FGF13: variants seen among roughly 807,000 people sequenced by gnomAD.
FGF13 encodes fibroblast growth factor 13, also known as fibroblast growth factor homologous factor 2.
Under a neutral mutation model 19.5 loss-of-function variants are expected in FGF13, and 2 were observed. The ratio of observed to expected loss-of-function variants is 0.10; its 90% confidence interval spans 0.04 to 0.32. The LOEUF (loss-of-function observed/expected upper bound fraction) is 0.32, where lower values mean the gene tolerates loss of function less well. Ranked by LOEUF, FGF13 falls within the 10% of genes least tolerant of loss-of-function variation. The pLI is 1.00. For synonymous variants in FGF13, 72 were observed against 76.9 expected (o/e 0.94, Z 0.33); for missense variants, 113 against 192.7 (o/e 0.59, Z 2.45).
intron 3 of FGF13, among the ~76,000 whole-genome samples, chrX:138,749,649 C>G (rs1376248772): frequency 9.0e-6 from 1 of 111,243 alleles, no homozygotes; most frequent in Non-Finnish European, 1.9e-5. Context: ...CAGTCTAGCA[C>G]AGTTTAGAAA....
intron 3 of FGF13, among the ~76,000 whole-genome samples, chrX:138,787,103 T>C (rs2090699585): frequency 8.9e-6 from 1 of 112,312 alleles, no homozygotes; most frequent in Non-Finnish European, 1.9e-5. Context: ...AAGTGGAGGG[T>C]TTTGTTTGAC....
intron 3 of FGF13, among the ~76,000 whole-genome samples, chrX:138,661,437 C>A (rs930040943): frequency 9.0e-6 from 1 of 111,708 alleles, no homozygotes; most frequent in Non-Finnish European, 1.9e-5. Context: ...GATGCTAAGT[C>A]CACTTGGTGC....
At chrX:139,042,735 A>G (rs774603525) in intron 1 of FGF13, among the ~76,000 whole-genome samples, 16 of 111,718 alleles carry the variant, frequency 1.4e-4, no homozygotes, top group Non-Finnish European at 3.0e-4. Flanking sequence ...TCCTCTACAT[A>G]TTTTATGAAC....
intron 1 of FGF13, among the ~76,000 whole-genome samples, chrX:138,912,359 A>G (rs2091592437): frequency 9.0e-6 from 1 of 111,617 alleles, no homozygotes; most frequent in Admixed American, 9.5e-5. Context: ...ACAGGGAAAG[A>G]CTCAACCATT....
intron 1 of FGF13, among the ~76,000 whole-genome samples, chrX:138,904,788 C>A (rs1448105119): frequency 9.0e-6 from 1 of 111,068 alleles, no homozygotes; most frequent in Admixed American, 9.7e-5. Context: ...CATGCGCGCT[C>A]CAAGAGAACA....
At chrX:138,757,251 C>T (rs762337840) in intron 3 of FGF13, among the ~76,000 whole-genome samples, 29 of 110,278 alleles carry the variant, frequency 2.6e-4, no homozygotes, top group African/African-American at 9.6e-4. Flanking sequence ...GCCAACCTCA[C>T]CCCTTTCCCA....
Position 138,615,100 on chromosome X carries a change from C to T in FGF13, c.*17750G>A, listed in dbSNP as rs1007708480. ...GATCTTAGTGGTGACGGAACAGTTC[C>T]ATATCTTGATCATTGTAGTGGTTAC... is the stretch of plus-strand genomic sequence containing the variant. On this transcript the variant is annotated 3_prime_UTR_variant, in exon 5 of 5. Transcript: ENST00000315930. The T allele has an allele frequency of 6.3e-5, 7 of 111,618 alleles. No individual in the cohort carries two copies. The highest frequency in any genetic ancestry group is 2.3e-4 in the African/African-American group (7 of 30,700). 9.2% of individuals were successfully genotyped at this position (111,618 alleles called of 1,213,427 possible). A position where few individuals can be genotyped will look rare whatever the true frequency, so the allele number is the denominator to read the frequency against.
intron 1 of FGF13, among the ~76,000 whole-genome samples, chrX:138,924,800 T>A (rs1416644694): frequency 9.7e-6 from 1 of 103,432 alleles, no homozygotes; most frequent in Non-Finnish European, 2.0e-5. Context: ...GGGACCACCC[T>A]AGTAGGTGAA....
At chrX:138,970,209 G>A (rs937112055) in intron 1 of FGF13, among the ~76,000 whole-genome samples, 1 of 111,743 alleles carries the variant, frequency 8.9e-6, no homozygotes, top group Non-Finnish European at 1.9e-5. Context: ...AATGATGTCT[G>A]TTTTATTCGC....
At chrX:139,015,475 C>G (rs1423027797) in intron 1 of FGF13, among the ~76,000 whole-genome samples, 1 of 109,697 alleles carries the variant, frequency 9.1e-6, no homozygotes, top group Non-Finnish European at 1.9e-5. Context: ...TTTACAATAG[C>G]TACAAAAAAA....
chrX:138,673,433 C>T (rs1427565460), intron 3 of FGF13, among the ~76,000 whole-genome samples: 1 of 110,811 alleles, frequency 9.0e-6, no homozygotes, highest in Non-Finnish European at 1.9e-5. Flanking sequence ...GTTTTACACA[C>T]ATGGGGATAT....
intron 3 of FGF13, among the ~76,000 whole-genome samples, chrX:138,799,923 T>A (rs761536367): frequency 9.0e-6 from 1 of 111,656 alleles, no homozygotes; most frequent in African/African-American, 3.3e-5. Context: ...TGCTTTCCAT[T>A]TGCTTGGTAA....
At chrX:138,654,858 A>G (rs990748569) in intron 3 of FGF13, among the ~76,000 whole-genome samples, 1 of 111,289 alleles carries the variant, frequency 9.0e-6, no homozygotes, top group African/African-American at 3.3e-5. Flanking sequence ...TCTGTACTTC[A>G]TCAGTCATCC....
At chrX:138,769,849 C>T (rs747067996) in intron 3 of FGF13, among the ~76,000 whole-genome samples, 2 of 112,285 alleles carry the variant, frequency 1.8e-5, no homozygotes, top group South Asian at 7.4e-4. Flanking sequence ...TCCAAGAAGA[C>T]GATAGAGAAA....
At chrX:139,192,042 G>A (rs1476611548) in intron 1 of FGF13, among the ~76,000 whole-genome samples, 1 of 111,875 alleles carries the variant, frequency 8.9e-6, no homozygotes, top group South Asian at 3.8e-4. Flanking sequence ...AGACCATCAA[G>A]GGAAACAATT....
At chrX:138,811,628 C>T (rs981147901) in intron 3 of FGF13, among the ~76,000 whole-genome samples, 10 of 110,815 alleles carry the variant, frequency 9.0e-5, no homozygotes, top group African/African-American at 2.9e-4. Flanking sequence ...TAGTTTTCTG[C>T]CTCTGTAACA....
chrX:138,844,284 C>A lies in FGF13; in HGVS notation c.217+13228G>T, dbSNP rs190974524. Among the ~76,000 whole-genome samples the A allele has an allele frequency of 4.5e-5, 5 of 111,970 alleles. No individual in the cohort carries two copies. In the East Asian group the frequency reaches 1.4e-3, roughly 32 times the overall value. On this transcript the variant is annotated intron_variant, in intron 3 of 6. Transcript: ENST00000436198. ...ATTACAGAAAAAATTACCGAGCAAG[C>A]TTAACTACATTCAAAAGGATAAACA...
intron 1 of FGF13, among the ~76,000 whole-genome samples, chrX:139,080,453 T>A (rs899187690): frequency 3.2e-4 from 36 of 112,112 alleles, no homozygotes; most frequent in Non-Finnish European, 2.1e-4. Flanking sequence ...GAGACATTAA[T>A]GAGGCTGAAG....
At chrX:138,781,338 G>C (rs768815197) in intron 3 of FGF13, among the ~76,000 whole-genome samples, 186 of 109,748 alleles carry the variant, frequency 1.7e-3, no homozygotes, top group African/African-American at 6.1e-3. Context: ...GAAGGAAATA[G>C]AGACACAAAA....
Sources: gnomAD v4.1 joint callset for allele counts (sites outside exome capture counted in the v4.1 genomes callset) on GRCh38, gnomAD v4.1.1 for gene constraint, MANE v1.5 for transcripts, NCBI Gene and HGNC (gene_info 2026-07-23, HGNC 2026-07-21) for gene names.